KLHL32: variants seen among roughly 807,000 people sequenced by gnomAD.
The protein encoded by KLHL32 is kelch-like protein 32.
A neutral mutation model predicts 64.8 loss-of-function variants in KLHL32; 35 were observed. The ratio of observed to expected loss-of-function variants is 0.54; its 90% CI spans 0.41 to 0.72. The LOEUF is 0.72. Among genes scored for constraint, KLHL32 ranks in the 30% least tolerant of loss-of-function variants. The pLI is 0.00. For missense variants in KLHL32, 589 were observed against 768.5 expected (o/e 0.77, Z 2.76); for synonymous variants, 259 against 281.0 (o/e 0.92, Z 0.78).
intron 7 of KLHL32, among the ~76,000 whole-genome samples, chr6:97,124,356 A>C (rs1165696567): frequency 6.6e-6 from 1 of 152,208 alleles, no homozygotes; most frequent in African/African-American, 2.4e-5. Flanking sequence ...TTGTCATTTG[A>C]GTGAAAATTT....
At chr6:96,960,222 T>C (rs1234090813) in intron 1 of KLHL32, among the ~76,000 whole-genome samples, 2 of 152,208 alleles carry the variant, frequency 1.3e-5, no homozygotes, top group Non-Finnish European at 2.9e-5. Flanking sequence ...AACACGACAC[T>C]GAGAAAGGCC....
chr6:97,019,755 A>G lies in KLHL32; in HGVS notation c.205-21737A>G, dbSNP rs146077052. On this transcript the variant is annotated intron_variant, in intron 3 of 10. Coordinates refer to ENST00000369261, the MANE Select transcript of KLHL32 (RefSeq NM_052904.4). ...GAAGTAAATAAGCATAAAAGCAGAC[A>G]TTCATGAAACAGCAAAAAAATTTTT... Among the ~76,000 whole-genome samples the G allele has an allele frequency of 3.5e-4, 54 of 152,224 alleles. No homozygotes were observed. In the East Asian group the frequency reaches 8.3e-3, roughly 23 times the overall value.
intron 6 of KLHL32, among the ~76,000 whole-genome samples, chr6:97,100,556 C>T (rs1298012242): frequency 6.6e-6 from 1 of 152,152 alleles, no homozygotes; most frequent in Admixed American, 6.5e-5. Flanking sequence ...TTACCTTTGA[C>T]TATTCTTTTA....
intron 4 of KLHL32, among the ~76,000 whole-genome samples, chr6:97,055,794 T>C (rs12214764): frequency 0.33 from 21,917 of 66,880 alleles, 2,562 homozygotes; most frequent in African/African-American, 0.48. Flanking sequence ...TGAGAACCTG[T>C]CTAAAAAAAA....
intron 4 of KLHL32, among the ~76,000 whole-genome samples, chr6:97,048,203 C>G (rs1786232904): frequency 6.6e-6 from 1 of 152,182 alleles, no homozygotes; most frequent in African/African-American, 2.4e-5. Flanking sequence ...CTTTACAATT[C>G]TCCACTTCCA....
chr6:96,985,043 A>G (rs941598918), intron 3 of KLHL32, among the ~76,000 whole-genome samples: 1 of 151,960 alleles, frequency 6.6e-6, no homozygotes, highest in African/African-American at 2.4e-5. Context: ...TGCTTCCTTC[A>G]GGAGCTCTTG....
At chr6:96,976,660 G>A (rs1055122391) in intron 3 of KLHL32, among the ~76,000 whole-genome samples, 5 of 152,180 alleles carry the variant, frequency 3.3e-5, no homozygotes, top group African/African-American at 4.8e-5. Flanking sequence ...TGCCAATGGC[G>A]CAATCTTGGC....
At chr6:97,095,620 T>G (rs1010169648) in intron 6 of KLHL32, among the ~76,000 whole-genome samples, 2 of 152,150 alleles carry the variant, frequency 1.3e-5, no homozygotes, top group African/African-American at 4.8e-5. Context: ...AAATGCCTTC[T>G]AGGCAGAAGG....
At chr6:97,036,352 A>G (rs1238728808) in intron 3 of KLHL32, among the ~76,000 whole-genome samples, 1 of 152,182 alleles carries the variant, frequency 6.6e-6, no homozygotes, top group Non-Finnish European at 1.5e-5. Flanking sequence ...CAGGCAATTC[A>G]TAGGTCCCCA....
At chr6:96,949,324 CTAGT>C (rs10544666) in intron 1 of KLHL32, among the ~76,000 whole-genome samples, 33,669 of 151,766 alleles carry the variant, frequency 0.22, 3,886 homozygotes, top group Admixed American at 0.27. Context: ...CTCTGATATT[CTAGT>C]TAGTCAGTTT....
intron 1 of KLHL32, among the ~76,000 whole-genome samples, chr6:96,947,670 T>C (rs907325643): frequency 2.0e-5 from 3 of 152,212 alleles, no homozygotes; most frequent in African/African-American, 7.2e-5. Context: ...TAATAATGAT[T>C]AAAACTAACA....
intron 2 of KLHL32, among the ~76,000 whole-genome samples, chr6:96,971,460 G>A (rs887657450): frequency 6.6e-6 from 1 of 152,170 alleles, no homozygotes; most frequent in Admixed American, 6.5e-5. Context: ...ATTAGTTTTT[G>A]TGATCAATTC....
chr6:96,955,612 G>C (rs925949617), intron 1 of KLHL32, among the ~76,000 whole-genome samples: 8 of 152,148 alleles, frequency 5.3e-5, no homozygotes, highest in Non-Finnish European at 1.5e-5. Context: ...CTTTTGGTAA[G>C]TGTATTAGTC....
intron 6 of KLHL32, among the ~76,000 whole-genome samples, chr6:97,097,804 G>A (rs1795195120): frequency 6.6e-6 from 1 of 152,078 alleles, no homozygotes; most frequent in South Asian, 2.1e-4. Context: ...TAAACGACAG[G>A]GATACTTTAG....
chr6:96,947,512 T>C (rs1772063848), intron 1 of KLHL32, among the ~76,000 whole-genome samples: 1 of 152,172 alleles, frequency 6.6e-6, no homozygotes, highest in South Asian at 2.1e-4. Flanking sequence ...ACTGTGTGAT[T>C]AATGTCATGA....
Position 97,085,137 on chromosome 6 carries a change from C to A in KLHL32, c.423C>A (p.Ser141Arg). 6.2e-7 allele frequency: 1 copy of A among 1,611,950 alleles called. No individual in the cohort carries two copies. The highest frequency in any genetic ancestry group is 1.3e-5 in the African/African-American group (1 of 74,968). Residue 141 changes from serine to arginine, a missense_variant, in exon 6 of 11, where the codon AGC (serine) becomes AGA (arginine). Transcript: ENST00000369261. Reference sequence around the variant, plus strand: ...TTTTTGGCACCCAGGAATTAAATAGCTTTAATTACTTGGATCTGTACAGAC... The same window carrying A: ...TTTTTGGCACCCAGGAATTAAATAGATTTAATTACTTGGATCTGTACAGAC... ...CSHYLIQELN[S>R]FNYLDLYRLA...
chr6:97,097,005 A>T (rs1352724893), intron 6 of KLHL32, among the ~76,000 whole-genome samples: 2 of 152,254 alleles, frequency 1.3e-5, no homozygotes, highest in African/African-American at 2.4e-5. Flanking sequence ...TGTTAGAATT[A>T]TGCTGAATAC....
intron 1 of KLHL32, among the ~76,000 whole-genome samples, chr6:96,941,270 T>C (rs1771248300): frequency 1.3e-5 from 2 of 152,222 alleles, no homozygotes; most frequent in South Asian, 4.1e-4. Flanking sequence ...TTTTGTTCTT[T>C]CCACCTGGGT....
At chr6:97,036,698 A>G (rs1228370737) in intron 3 of KLHL32, among the ~76,000 whole-genome samples, 4 of 152,204 alleles carry the variant, frequency 2.6e-5, no homozygotes. Flanking sequence ...GTCATGGTGC[A>G]TGGGGGTGCC....
Sources: gnomAD v4.1 joint callset for allele counts (sites outside exome capture counted in the v4.1 genomes callset) on GRCh38, gnomAD v4.1.1 for gene constraint, MANE v1.5 for transcripts, NCBI Gene and HGNC (gene_info 2026-07-23, HGNC 2026-07-21) for gene names.